CDH17: variants seen among roughly 807,000 people sequenced by gnomAD.
CDH17 encodes the protein cadherin-17.
CDH17 carries 67 observed loss-of-function variants against 86.3 expected under a neutral mutation model. The ratio of observed to expected loss-of-function variants is 0.78; its 90% CI spans 0.64 to 0.95. The LOEUF is 0.95. Among genes scored for constraint, CDH17 ranks in the 40% least tolerant of loss-of-function variants. CDH17 has a pLI of 0.00. For missense variants in CDH17, 993 were observed against 1,017.6 expected, an observed-to-expected ratio of 0.98 and a Z score of 0.33; for synonymous variants, 367 against 366.4, an observed-to-expected ratio of 1.00 and a Z score of -0.02.
chr8:94,192,369 G>A (rs975255738), intron 2 of CDH17, among the ~76,000 whole-genome samples: 12 of 152,214 alleles, frequency 7.9e-5, no homozygotes, highest in African/African-American at 2.9e-4. Flanking sequence ...AGAGGTGAAA[G>A]GAAGAGAATG....
At chr8:94,155,139 A>G (rs1231323213) in intron 12 of CDH17, among the ~76,000 whole-genome samples, 1 of 152,038 alleles carries the variant, frequency 6.6e-6, no homozygotes, top group Non-Finnish European at 1.5e-5. Context: ...AGTGTGAAAA[A>G]AGAGGTTGTT....
At chr8:94,179,144 C>T (rs1032306340) in intron 3 of CDH17, among the ~76,000 whole-genome samples, 1 of 151,994 alleles carries the variant, frequency 6.6e-6, no homozygotes, top group African/African-American at 2.4e-5. Flanking sequence ...GCAACAGCCT[C>T]ACACCACAGT....
At chr8:94,174,418 C>T (rs1378049456) in intron 5 of CDH17, among the ~76,000 whole-genome samples, 158 bp from the exon 6 acceptor site, 1 of 152,164 alleles carries the variant, frequency 6.6e-6, no homozygotes, top group Non-Finnish European at 1.5e-5. Context: ...CCACTCCCCC[C>T]TTCCCTAAAA....
chr8:94,157,620 G>A (rs564101124), intron 12 of CDH17, among the ~76,000 whole-genome samples: 2 of 152,306 alleles, frequency 1.3e-5, no homozygotes, highest in South Asian at 4.1e-4. Context: ...TGGTGTCCAA[G>A]ATATGCACTT....
At chr8:94,195,400 G>A (rs571462136) in intron 1 of CDH17, among the ~76,000 whole-genome samples, 35 of 152,266 alleles carry the variant, frequency 2.3e-4, no homozygotes, top group South Asian at 6.2e-4. Context: ...ATGAGATTCC[G>A]CAAGTGAAAA....
At chr8:94,214,866 C>T (rs753645673) in intron 1 of CDH17, among the ~76,000 whole-genome samples, 1 of 152,104 alleles carries the variant, frequency 6.6e-6, no homozygotes, top group Admixed American at 6.6e-5. Flanking sequence ...CTAAAAAGCA[C>T]ATGAAAAGAT....
At chr8:94,170,802 A>C in intron 8 of CDH17, 52 bp downstream of exon 8, 3 of 1,574,188 alleles carry the variant, frequency 1.9e-6, no homozygotes, top group South Asian at 2.4e-5. Flanking sequence ...TCAACTGTAG[A>C]TGGGCATAGG....
intron 3 of CDH17, among the ~76,000 whole-genome samples, chr8:94,183,693 CA>C (rs1813524911): frequency 1.3e-5 from 2 of 151,710 alleles, no homozygotes; most frequent in Admixed American, 1.3e-4. Context: ...GTACAAATAA[CA>C]ATAACAATAT....
intron 12 of CDH17, among the ~76,000 whole-genome samples, chr8:94,152,893 C>T (rs1197733109): frequency 1.3e-5 from 2 of 152,176 alleles, no homozygotes; most frequent in Non-Finnish European, 2.9e-5. Flanking sequence ...GTCTCAAATT[C>T]CTGACCTCAA....
chr8:94,199,771 T>C (rs974859398), intron 1 of CDH17, among the ~76,000 whole-genome samples: 7 of 152,164 alleles, frequency 4.6e-5, no homozygotes, highest in Non-Finnish European at 8.8e-5. Flanking sequence ...GTTAGGAGCA[T>C]AGACCCAGGA....
intron 1 of CDH17, among the ~76,000 whole-genome samples, chr8:94,200,166 A>G (rs1295753466): frequency 1.3e-5 from 2 of 152,182 alleles, no homozygotes; most frequent in Non-Finnish European, 2.9e-5. Flanking sequence ...TGGTCTCTCA[A>G]ACAGGTCCCA....
At chr8:94,137,235 G>C (rs964944329) in intron 15 of CDH17, among the ~76,000 whole-genome samples, 1 of 152,196 alleles carries the variant, frequency 6.6e-6, no homozygotes, top group Non-Finnish European at 1.5e-5. Context: ...GTTCAGCTAT[G>C]CCCTGTCCAT....
At position 94,131,004 on chromosome 8, in the gene CDH17, G is replaced by A. The variant is rs1372952107; in HGVS notation, c.2168-12C>T. 4.4e-6 allele frequency: 6 copies of A among 1,378,480 alleles called. No homozygotes were observed. The highest frequency in any genetic ancestry group is 4.3e-5 in the African/African-American group (3 of 69,150). The allele number at this position is 1,378,480 out of a possible 1,614,324, so 85.4% of individuals were successfully genotyped here. A position where few individuals can be genotyped will look rare whatever the true frequency, so the allele number is the denominator to read the frequency against. ...TCGGGCATGAGTACCTGCCAGGACAGGAAAAAAAAATGAAAATACAACTTC... is the reference window on the plus strand; with the variant it reads ...TCGGGCATGAGTACCTGCCAGGACAAGAAAAAAAAATGAAAATACAACTTC... On this transcript the variant is annotated splice_polypyrimidine_tract_variant and intron_variant, in intron 15 of 17. Coordinates refer to ENST00000027335, the MANE Select transcript of CDH17 (RefSeq NM_004063.4).
intron 3 of CDH17, among the ~76,000 whole-genome samples, chr8:94,185,707 A>T (rs1260825232): frequency 6.6e-6 from 1 of 152,222 alleles, no homozygotes; most frequent in Non-Finnish European, 1.5e-5. Context: ...ATTAAAAAAA[A>T]ACTATGCCAA....
At chr8:94,130,585 G>A in intron 17 of CDH17, 41 bp downstream of exon 17, 2 of 1,362,510 alleles carry the variant, frequency 1.5e-6, no homozygotes, top group Non-Finnish European at 2.1e-6. Flanking sequence ...ACATTTCTGA[G>A]GCCCAGGATA....
chr8:94,170,524 C>G lies in CDH17; in HGVS notation c.939G>C (p.Lys313Asn). ...KDAYVFYAVA[K>N]DEYGKPLSYP... ...ATGAAAGTGGTTTTCCGTACTCATC[C>G]TTTGCAACTGCATAAAAAACATACT... Residue 313 changes from lysine to asparagine, a missense_variant, in exon 9 of 18, where the codon AAG (lysine) becomes AAC (asparagine). Physicochemically the swap from Lys to Asn is moderately conservative, Grantham distance 94 (BLOSUM62 0). Transcript: ENST00000027335. 2 of 1,613,808 alleles carry G rather than the reference C, an allele frequency of 1.2e-6. No individual in the cohort carries two copies. The highest frequency in any genetic ancestry group is 1.7e-6 in the Non-Finnish European group (2 of 1,179,822).
rs1813808217 is a variant in CDH17, at chr8:94,197,561, G to A, written c.-20-2856C>T. Among the ~76,000 whole-genome samples, 4 of 151,972 alleles carry A rather than the reference G, an allele frequency of 2.6e-5. No individual in the cohort carries two copies. In the South Asian group the frequency reaches 6.2e-4, roughly 24 times the overall value. Reference sequence around the variant, plus strand: ...TAAGTTTGTCCTCTTGGCCAGGCACGGTGGCTCAGGCCTGTAATCCCAGCA... The same window carrying A: ...TAAGTTTGTCCTCTTGGCCAGGCACAGTGGCTCAGGCCTGTAATCCCAGCA... On this transcript the variant is annotated intron_variant, in intron 1 of 17. Coordinates refer to ENST00000027335, the MANE Select transcript of CDH17 (RefSeq NM_004063.4).
chr8:94,174,769 T>C (rs1205291411), intron 5 of CDH17, among the ~76,000 whole-genome samples: 1 of 152,206 alleles, frequency 6.6e-6, no homozygotes, highest in Non-Finnish European at 1.5e-5. Flanking sequence ...GGCAAGAGAA[T>C]GAATGTAGAA....
chr8:94,174,412 TC>T lies in CDH17; in HGVS notation c.425-153del, dbSNP rs1421325129. ...GTGGGGAAATAAATATTTATCCCAC[TC>T]CCCCCTTCCCTAAAATAAGGTTTCT... On this transcript the variant is annotated intron_variant, in intron 5 of 17. Coordinates refer to ENST00000027335, the MANE Select transcript of CDH17 (RefSeq NM_004063.4). The T allele has an allele frequency of 9.2e-6, 7 of 762,144 alleles. No individual in the cohort carries two copies. The Admixed American group carries it at 1.8e-4, about 20-fold the overall frequency. The allele number at this position is 762,144 out of a possible 1,614,324, so 47.2% of individuals were successfully genotyped here.
Sources: gnomAD v4.1 joint callset for allele counts (sites outside exome capture counted in the v4.1 genomes callset) on GRCh38, gnomAD v4.1.1 for gene constraint, MANE v1.5 for transcripts, NCBI Gene and HGNC (gene_info 2026-07-23, HGNC 2026-07-21) for gene names.